The following MECR variants were observed in gnomAD, a reference collection of about 807,000 sequenced individuals.
The protein encoded by MECR is enoyl-[acyl-carrier-protein] reductase, mitochondrial.
MECR carries 37 observed loss-of-function variants against 49.1 expected under a neutral mutation model. The ratio of observed to expected loss-of-function variants is 0.75; its 90% CI spans 0.58 to 0.99. The LOEUF (loss-of-function observed/expected upper bound fraction) is 0.99, where lower values mean the gene tolerates loss of function less well. Ranked by LOEUF, MECR falls within the 50% of genes least tolerant of loss-of-function variation. The probability of loss-of-function intolerance (pLI) is 0.00; values close to 1 mark genes in which losing one functional copy is unlikely to be tolerated. For missense variants in MECR, 470 were observed against 479.6 expected, an observed-to-expected ratio of 0.98 and a Z score of 0.19; for synonymous variants, 198 against 191.1, an observed-to-expected ratio of 1.04 and a Z score of -0.30.
At chr1:29,199,058 C>T (rs1674692513) in intron 7 of MECR, among the ~76,000 whole-genome samples, 1 of 152,220 alleles carries the variant, frequency 6.6e-6, no homozygotes, top group South Asian at 2.1e-4. Context: ...ACGTGACTCA[C>T]CTGCTCATCA....
intron 7 of MECR, among the ~76,000 whole-genome samples, chr1:29,197,115 T>G (rs1199040657): frequency 6.6e-6 from 1 of 152,214 alleles, no homozygotes; most frequent in Non-Finnish European, 1.5e-5. Flanking sequence ...CTGGATGACT[T>G]GTATGTTTAG....
At chr1:29,189,632 C>G (rs1673085439), downstream of MECR, among the ~76,000 whole-genome samples, 1 of 152,308 alleles carries the variant, frequency 6.6e-6, no homozygotes, top group African/African-American at 2.4e-5. Flanking sequence ...ATGTCGGCAA[C>G]CCCTGGTTGG....
chr1:29,180,908 G>C, the MECR span, among the ~76,000 whole-genome samples: 1 of 152,236 alleles, frequency 6.6e-6, no homozygotes, highest in Non-Finnish European at 1.5e-5. Flanking sequence ...ATACTAGCCA[G>C]GGTGGCCACT....
In MECR at chr1:29,193,707, G is replaced by T; in HGVS notation, c.*315C>A. On this transcript the variant is annotated 3_prime_UTR_variant, in exon 10 of 10. Transcript: ENST00000263702. ...CCAGGCTTTGCTTTCAGGGTGGTCA[G>T]AAAATGATTACTGGGGGAACACATG... 1 of 282,242 alleles carries T rather than the reference G, an allele frequency of 3.5e-6. No homozygotes were observed. The highest frequency in any genetic ancestry group is 6.7e-6 in the Non-Finnish European group (1 of 148,188). The allele number at this position is 282,242 out of a possible 1,614,324, so 17.5% of individuals were successfully genotyped here. A position where few individuals can be genotyped will look rare whatever the true frequency, so the allele number is the denominator to read the frequency against.
the MECR span, among the ~76,000 whole-genome samples, chr1:29,178,758 G>A: frequency 1.3e-5 from 2 of 152,196 alleles, no homozygotes; most frequent in African/African-American, 4.8e-5. Context: ...ACGTAGCTAA[G>A]TTATGCTTTT....
In MECR at chr1:29,201,312, G is replaced by C. The variant is rs1355502249; in HGVS notation, c.756+631C>G. 3.9e-6 allele frequency: 2 copies of C among 509,120 alleles called. No individual in the cohort carries two copies. Among genetic ancestry groups the C allele is most frequent in the Non-Finnish European group, 7.9e-6 (2 of 251,634 alleles). 31.5% of individuals were successfully genotyped at this position (509,120 alleles called of 1,614,324 possible). A position where few individuals can be genotyped will look rare whatever the true frequency, so the allele number is the denominator to read the frequency against. On this transcript the variant is annotated intron_variant, in intron 6 of 9. Coordinates refer to ENST00000263702, the MANE Select transcript of MECR (RefSeq NM_016011.5). This position sits in a 1 kb window ranked among gnomAD's most constrained non-coding sequence, Gnocchi z 4.3. ...GTTCGCAAGAAGCGCATGCTCTTGA[G>C]TGTGTGTCTTTGGTTCCTCCAGATG... is the stretch of plus-strand genomic sequence containing the variant.
the MECR span, among the ~76,000 whole-genome samples, chr1:29,181,398 G>A: frequency 1.3e-5 from 2 of 152,174 alleles, no homozygotes; most frequent in Admixed American, 6.5e-5. Flanking sequence ...CCCCACTCGG[G>A]CTTTCCTTCT....
At chr1:29,203,003 T>A in intron 5 of MECR, 128 bp downstream of exon 5, 1 of 673,568 alleles carries the variant, frequency 1.5e-6, no homozygotes, top group Non-Finnish European at 2.5e-6. Context: ...CCGCCAACTG[T>A]TAGCGATGCC....
At chr1:29,212,327 G>A (rs555276727) in intron 3 of MECR, among the ~76,000 whole-genome samples, 2 of 152,310 alleles carry the variant, frequency 1.3e-5, no homozygotes, top group Admixed American at 6.5e-5. Flanking sequence ...GCTGAGGCAG[G>A]AGAATTGCTT....
chr1:29,206,992 C>T, intron 3 of MECR, 87 bp from the exon 4 acceptor site: 1 of 1,480,834 alleles, frequency 6.8e-7, no homozygotes, highest in South Asian at 1.2e-5. Context: ...AAGAAGCATC[C>T]AGGATAGTGG....
At chr1:29,195,040 G>A (rs1012669814) in intron 9 of MECR, among the ~76,000 whole-genome samples, 59 of 152,004 alleles carry the variant, frequency 3.9e-4, no homozygotes, top group African/African-American at 1.4e-3. Flanking sequence ...CACCTGAACC[G>A]AGGAGGTTGA....
At chr1:29,228,492 C>T (rs1224148067) in intron 1 of MECR, among the ~76,000 whole-genome samples, 1 of 151,966 alleles carries the variant, frequency 6.6e-6, no homozygotes, top group East Asian at 1.9e-4. Context: ...GCTGGAACTA[C>T]AGGCTTGCAC....
chr1:29,212,184 C>T (rs1201490370), intron 3 of MECR, among the ~76,000 whole-genome samples: 4 of 152,152 alleles, frequency 2.6e-5, no homozygotes, highest in African/African-American at 7.2e-5. Flanking sequence ...TTTGGGAGGC[C>T]GAGGCGGGCA....
chr1:29,180,324 TAAG>T, the MECR span, among the ~76,000 whole-genome samples: 2 of 152,232 alleles, frequency 1.3e-5, no homozygotes, highest in African/African-American at 2.4e-5. Context: ...AATATATCCT[TAAG>T]AACTGAACGT....
intron 9 of MECR, among the ~76,000 whole-genome samples, chr1:29,194,770 T>C (rs909616999): frequency 6.6e-6 from 1 of 152,158 alleles, no homozygotes; most frequent in African/African-American, 2.4e-5. Flanking sequence ...TAGACATAAA[T>C]TCATTCAGCC....
chr1:29,177,173 CAA>C, the MECR span, among the ~76,000 whole-genome samples: 4 of 151,490 alleles, frequency 2.6e-5, no homozygotes, highest in Non-Finnish European at 4.4e-5. Flanking sequence ...TCAAAGCCAA[CAA>C]AAGTTACCAC....
chr1:29,207,578 GAA>G (rs552884865), intron 3 of MECR, among the ~76,000 whole-genome samples: 2 of 105,474 alleles, frequency 1.9e-5, no homozygotes. Flanking sequence ...TGTCTCTACA[GAA>G]AAAAAAAAAA....
In MECR at chr1:29,204,645, C is replaced by T. The variant is rs577452087; in HGVS notation, c.551-1412G>A. Among the ~76,000 whole-genome samples the T allele has an allele frequency of 2.6e-5, 4 of 152,272 alleles. No homozygotes were observed. In the South Asian group the frequency reaches 8.3e-4, roughly 32 times the overall value. ...AAGTTTATTCAACAGTGATCTAGTT[C>T]AGGCCATATCAGCCTTGAGGCAGGA... On this transcript the variant is annotated intron_variant, in intron 4 of 9. Transcript: ENST00000263702.
intron 1 of MECR, among the ~76,000 whole-genome samples, chr1:29,222,517 T>C (rs1163668275): frequency 1.3e-5 from 2 of 152,166 alleles, no homozygotes; most frequent in African/African-American, 2.4e-5. Flanking sequence ...AAGAAACCCA[T>C]GTGGCCTGTG....
Sources: allele counts gnomAD v4.1 joint callset (sites outside exome capture counted in the v4.1 genomes callset), GRCh38; gene constraint gnomAD v4.1.1; non-coding constraint Gnocchi (gnomAD v3.1); transcripts MANE v1.5; gene names NCBI Gene and HGNC (gene_info 2026-07-23, HGNC 2026-07-21).